Variants in FRMD4A observed in about 807,000 individuals in gnomAD.
The protein encoded by FRMD4A is FERM domain containing 4A.
In FRMD4A, 29 loss-of-function variants were observed where a neutral mutation model predicts 129.1. The observed-to-expected ratio is 0.22, with a 90% CI of 0.17 to 0.31. FRMD4A has a LOEUF of 0.31. Among genes scored for constraint, FRMD4A ranks in the 10% least tolerant of loss-of-function variants. The pLI is 1.00. For missense variants in FRMD4A, 1,272 were observed against 1,375.8 expected (o/e 0.92, Z 1.19); for synonymous variants, 634 against 571.6 (o/e 1.11, Z -1.56).
intron 2 of FRMD4A, among the ~76,000 whole-genome samples, chr10:14,309,505 C>G (rs971550029): frequency 1.5e-4 from 23 of 152,184 alleles, no homozygotes; most frequent in Middle Eastern, 3.4e-3. Flanking sequence ...TATAGAGTCA[C>G]CAAAGACTCA....
chr10:13,755,158 CA>C, intron 8 of FRMD4A, among the ~76,000 whole-genome samples: 1 of 152,162 alleles, frequency 6.6e-6, no homozygotes, highest in Admixed American at 6.5e-5. Flanking sequence ...TTATATTACT[CA>C]AAAAAAGTCT....
At chr10:13,663,189 CAAAAA>C (rs35995959) in intron 19 of FRMD4A, among the ~76,000 whole-genome samples, 1 of 131,108 alleles carries the variant, frequency 7.6e-6, no homozygotes, top group Non-Finnish European at 1.7e-5. Context: ...GACCCTGTCT[CAAAAA>C]AAAAAAAAAA....
chr10:13,767,796 G>GC (rs1475246490), intron 6 of FRMD4A, among the ~76,000 whole-genome samples: 21 of 152,216 alleles, frequency 1.4e-4, no homozygotes, highest in African/African-American at 4.1e-4. Context: ...CTGCGGTGAA[G>GC]CCCCCCGTGC....
At chr10:13,755,577 C>T (rs942119369) in intron 8 of FRMD4A, among the ~76,000 whole-genome samples, 6 of 152,320 alleles carry the variant, frequency 3.9e-5, no homozygotes, top group African/African-American at 1.4e-4. Flanking sequence ...TCCAACTCCT[C>T]TTCTAAAATG....
intron 19 of FRMD4A, among the ~76,000 whole-genome samples, chr10:13,660,966 T>C: frequency 6.6e-6 from 1 of 152,158 alleles, no homozygotes; most frequent in South Asian, 2.1e-4. Flanking sequence ...GGGAGAGTTT[T>C]GTCTGTTTCA....
At chr10:13,932,238 T>G (rs534485543) in intron 2 of FRMD4A, among the ~76,000 whole-genome samples, 2 of 152,332 alleles carry the variant, frequency 1.3e-5, no homozygotes, top group South Asian at 4.1e-4. Flanking sequence ...TCATAGAAGG[T>G]GCTCAACAAA....
chr10:14,036,296 G>A (rs749719532), intron 2 of FRMD4A, among the ~76,000 whole-genome samples: 23 of 152,062 alleles, frequency 1.5e-4, no homozygotes, highest in African/African-American at 4.6e-4. Flanking sequence ...ATTATGTTTC[G>A]CCCCATCATT....
intron 2 of FRMD4A, among the ~76,000 whole-genome samples, chr10:14,172,857 G>A (rs1266356957): frequency 6.6e-6 from 1 of 152,212 alleles, no homozygotes; most frequent in Non-Finnish European, 1.5e-5. Flanking sequence ...GCTGGAGTTA[G>A]AGCCTTTGTA....
At chr10:13,720,534 G>C (rs557343422) in intron 12 of FRMD4A, among the ~76,000 whole-genome samples, 1 of 152,332 alleles carries the variant, frequency 6.6e-6, no homozygotes, top group East Asian at 1.9e-4. Context: ...TGAGGATACA[G>C]CAGTGTATCC....
At chr10:14,066,314 G>C (rs999997168) in intron 2 of FRMD4A, among the ~76,000 whole-genome samples, 1 of 151,100 alleles carries the variant, frequency 6.6e-6, no homozygotes, top group Non-Finnish European at 1.5e-5. Context: ...TTGGTGGGGG[G>C]TGTGGGGGGT....
chr10:13,663,195 A>G (rs1260531021), intron 19 of FRMD4A, among the ~76,000 whole-genome samples: 2 of 152,074 alleles, frequency 1.3e-5, no homozygotes, highest in African/African-American at 4.8e-5. Flanking sequence ...GTCTCAAAAA[A>G]AAAAAAAAAA....
intron 3 of FRMD4A, among the ~76,000 whole-genome samples, chr10:13,848,236 C>T (rs888330910): frequency 5.3e-5 from 8 of 152,090 alleles, no homozygotes; most frequent in Middle Eastern, 3.4e-3. Context: ...GAAGATATCA[C>T]GGAAAAAATA....
chr10:14,270,313 A>T (rs1209844980), intron 2 of FRMD4A, among the ~76,000 whole-genome samples: 1 of 152,162 alleles, frequency 6.6e-6, no homozygotes, highest in Non-Finnish European at 1.5e-5. Context: ...TTATCATGTC[A>T]GTTCTGTCTC....
rs201177695 is a variant in FRMD4A, at chr10:14,162,647, T to TG, written c.45+167410_45+167411insC. ...GTTTCTCTGTTTTTTTTTTGTTTTT[T>TG]TTTTTTTTTTTTGTATATGTTTTCT... On this transcript the variant is annotated intron_variant, in intron 2 of 24. Coordinates refer to ENST00000357447, the MANE Select transcript of FRMD4A (RefSeq NM_018027.5). 3.8e-3 allele frequency among the ~76,000 whole-genome samples: 570 copies of TG among 149,204 alleles called. 5 individuals carry two copies. The East Asian group carries it at 0.045, about 12-fold the overall frequency.
chr10:14,319,321 C>T (rs542611057), intron 2 of FRMD4A, among the ~76,000 whole-genome samples: 1 of 128,792 alleles, frequency 7.8e-6, no homozygotes, highest in Admixed American at 8.0e-5. Flanking sequence ...GTTTGTTTTA[C>T]AGCAGTAGTA....
chr10:14,063,397 T>C (rs1195596867), intron 2 of FRMD4A, among the ~76,000 whole-genome samples: 1 of 152,184 alleles, frequency 6.6e-6, no homozygotes, highest in Non-Finnish European at 1.5e-5. Context: ...GCCATTTACA[T>C]TTATTATGTT....
At chr10:14,317,169 T>C (rs1017229402) in intron 2 of FRMD4A, among the ~76,000 whole-genome samples, 1 of 152,350 alleles carries the variant, frequency 6.6e-6, no homozygotes, top group South Asian at 2.1e-4. Context: ...AAATCATTGA[T>C]GACTATTTGT....
At chr10:13,929,446 T>G (rs2095169894) in intron 2 of FRMD4A, among the ~76,000 whole-genome samples, 1 of 152,176 alleles carries the variant, frequency 6.6e-6, no homozygotes. Flanking sequence ...TGCTGCACCT[T>G]GAAGGTTTGC....
chr10:14,268,802 T>C lies in FRMD4A; in HGVS notation c.45+61256A>G, dbSNP rs111632185. On this transcript the variant is annotated intron_variant, in intron 2 of 24. Transcript: ENST00000357447. ...TAGCCAATAGAGATAAGTCAGCATT[T>C]CTGCTATGTGAAAACTCCCAGGGAG... is the stretch of plus-strand genomic sequence containing the variant. Among the ~76,000 whole-genome samples, 393 of 151,560 alleles carry C rather than the reference T, an allele frequency of 2.6e-3. 1 individual carries two copies. Among genetic ancestry groups the C allele is most frequent in the Middle Eastern group, 0.01 (3 of 294 alleles).
Sources: gnomAD v4.1 joint callset for allele counts (sites outside exome capture counted in the v4.1 genomes callset) on GRCh38, gnomAD v4.1.1 for gene constraint, MANE v1.5 for transcripts, NCBI Gene and HGNC (gene_info 2026-07-23, HGNC 2026-07-21) for gene names.